Variants in INO80D observed in about 807,000 individuals in gnomAD.
INO80D encodes the protein INO80 complex subunit D.
INO80D carries 21 observed loss-of-function variants against 87.6 expected under a neutral mutation model. The ratio of observed to expected loss-of-function variants is 0.24; its 90% CI spans 0.17 to 0.35. The LOEUF is 0.35. Among genes scored for constraint, INO80D ranks in the 10% least tolerant of loss-of-function variants. The pLI is 1.00. For synonymous variants in INO80D, 440 were observed against 491.0 expected, an observed-to-expected ratio of 0.90 and a Z score of 1.37; for missense variants, 982 against 1,280.7, an observed-to-expected ratio of 0.77 and a Z score of 3.56.
rs1275741804 is a variant in INO80D at position 206,005,129 on chromosome 2, G to A, written c.2323C>T (p.Leu775Phe). 1.2e-6 allele frequency: 2 copies of A among 1,614,000 alleles called. No homozygotes were observed. The highest frequency in any genetic ancestry group is 1.3e-5 in the African/African-American group (1 of 75,042). Reference protein sequence around the residue: ...TSATLISQSALGERAFPGQFH... With the variant: ...TSATLISQSAFGERAFPGQFH... ...TGTCCTGGGAAGGCTCTCTCCCCAA[G>A]TGCACTCTGGCTGATCAGAGTGGCA... The change falls in exon 11 of 11, where the codon CTT becomes TTT. Residue 775 changes from leucine (L) to phenylalanine (F), a missense_variant. Leu to Phe is a conservative substitution (Grantham distance 22). Transcript: ENST00000403263.
intron 8 of INO80D, among the ~76,000 whole-genome samples, chr2:206,014,383 C>G (rs974441395): frequency 9.2e-5 from 14 of 152,102 alleles, no homozygotes; most frequent in Non-Finnish European, 8.8e-5. Context: ...TCTTGTAGCT[C>G]CCATAATTCC....
At position 205,994,563 on chromosome 2, in the gene INO80D, T is replaced by G. The variant is rs1229886294; in HGVS notation, c.*9805A>C. ...GCTTTTTGTTAAAGGCTACTTCTGATATCAGGTTCCAGCTAAGCTACTCAG... is the reference window on the plus strand; with the variant it reads ...GCTTTTTGTTAAAGGCTACTTCTGAGATCAGGTTCCAGCTAAGCTACTCAG... On this transcript the variant is annotated 3_prime_UTR_variant, in exon 11 of 11. Transcript: ENST00000403263. 6.6e-6 allele frequency: 1 copy of G among 152,198 alleles called. No homozygotes were observed. Among genetic ancestry groups the G allele is most frequent in the African/African-American group, 2.4e-5 (1 of 41,444 alleles). 9.4% of individuals were successfully genotyped at this position (152,198 alleles called of 1,614,324 possible).
intron 1 of INO80D, among the ~76,000 whole-genome samples, chr2:206,072,883 T>C (rs1490819143): frequency 6.6e-6 from 1 of 151,872 alleles, no homozygotes; most frequent in Non-Finnish European, 1.5e-5. Context: ...TGCTCTCTTG[T>C]CAAGGCTAGA....
Position 206,056,376 on chromosome 2 carries a change from C to T in INO80D, c.786G>A (p.Arg262=). Residue 262 remains arginine (R), a synonymous_variant, in exon 4 of 11, where the codon AGG becomes AGA. Transcript: ENST00000403263. ...IAQARQLSHK[R]PLPLLPSSRA... is the part of the protein sequence containing the mutation. Reference sequence around the variant, plus strand: ...TACTGGATGGCAGGAGGGGCAGAGGCCTCTTGTGAGACAACTGCCGTGCTT... The same window carrying T: ...TACTGGATGGCAGGAGGGGCAGAGGTCTCTTGTGAGACAACTGCCGTGCTT... The T allele has an allele frequency of 6.2e-7, 1 of 1,613,812 alleles. No individual in the cohort carries two copies. Among genetic ancestry groups the T allele is most frequent in the African/African-American group, 1.3e-5 (1 of 74,994 alleles).
Position 205,995,990 on chromosome 2 carries a change from A to C in INO80D, c.*8378T>G, listed in dbSNP as rs981762570. The C allele has an allele frequency of 1.1e-4, 16 of 152,142 alleles. No individual in the cohort carries two copies. Among genetic ancestry groups the C allele is most frequent in the African/African-American group, 2.4e-5 (1 of 41,466 alleles). The allele number at this position is 152,142 out of a possible 1,614,324, so 9.4% of individuals were successfully genotyped here. A position where few individuals can be genotyped will look rare whatever the true frequency, so the allele number is the denominator to read the frequency against. On this transcript the variant is annotated 3_prime_UTR_variant, in exon 11 of 11. Transcript: ENST00000403263. ...AATATGTAAATGACAAATTAATGACAGTAAGTGTGGAAATAAACCTAACAC... is the reference window on the plus strand; with the variant it reads ...AATATGTAAATGACAAATTAATGACCGTAAGTGTGGAAATAAACCTAACAC...
intron 1 of INO80D, among the ~76,000 whole-genome samples, chr2:206,082,390 G>C (rs1315131343): frequency 1.3e-5 from 2 of 152,234 alleles, no homozygotes; most frequent in Non-Finnish European, 2.9e-5. Context: ...CACCTTACGT[G>C]CAAGGAGGGA....
At position 206,062,669 on chromosome 2, in the gene INO80D, A is replaced by G; in HGVS notation, c.218+130T>C. 1.3e-6 allele frequency: 1 copy of G among 756,888 alleles called. No individual in the cohort carries two copies. Among genetic ancestry groups the G allele is most frequent in the Non-Finnish European group, 2.1e-6 (1 of 466,238 alleles). 46.9% of individuals were successfully genotyped at this position (756,888 alleles called of 1,614,324 possible). On this transcript the variant is annotated intron_variant, in intron 3 of 10. Coordinates refer to ENST00000403263, the MANE Select transcript of INO80D (RefSeq NM_017759.5). This position sits in a 1 kb window ranked among gnomAD's most constrained non-coding sequence, Gnocchi z 4.6. ...ACTTAGATTACCCCCAGAATTCAACATTTATATAGGTGGAGGAAGGGAGGG... is the reference window on the plus strand; with the variant it reads ...ACTTAGATTACCCCCAGAATTCAACGTTTATATAGGTGGAGGAAGGGAGGG...
At chr2:206,010,078 C>CAA in intron 8 of INO80D, among the ~76,000 whole-genome samples, 1 of 148,022 alleles carries the variant, frequency 6.8e-6, no homozygotes, top group Non-Finnish European at 1.5e-5. Flanking sequence ...CACACACACA[C>CAA]ACACACACGC....
At chr2:206,063,077 A>C in intron 2 of INO80D, 32 bp from the exon 3 acceptor site, 4 of 1,149,156 alleles carry the variant, frequency 3.5e-6, no homozygotes, top group Non-Finnish European at 5.1e-6. Context: ...AGAAACCCAA[A>C]TGATAAATCA....
intron 4 of INO80D, among the ~76,000 whole-genome samples, chr2:206,047,855 A>ATTTTTTT (rs1559451845): frequency 1.4e-5 from 1 of 70,962 alleles, no homozygotes; most frequent in Admixed American, 1.9e-4. Flanking sequence ...GATTTCTTTC[A>ATTTTTTT]ATTTTTTTTT....
intron 1 of INO80D, among the ~76,000 whole-genome samples, chr2:206,066,623 T>C (rs1055229870): frequency 6.6e-6 from 1 of 151,866 alleles, no homozygotes; most frequent in Non-Finnish European, 1.5e-5. Flanking sequence ...ACGGCCAACA[T>C]GGCAAAACCC....
At chr2:206,040,679 C>A in intron 5 of INO80D, 2 of 229,698 alleles carry the variant, frequency 8.7e-6, no homozygotes, top group South Asian at 9.9e-5. Context: ...CATCTTACGC[C>A]TACAGTGCAC....
intron 5 of INO80D, among the ~76,000 whole-genome samples, chr2:206,041,345 T>C (rs1350463313): frequency 1.3e-5 from 2 of 151,996 alleles, no homozygotes; most frequent in Non-Finnish European, 2.9e-5. Context: ...AAGATGCAAA[T>C]AGGTTAGAAG....
chr2:206,007,111 A>G (rs1688047360), intron 10 of INO80D, among the ~76,000 whole-genome samples, 173 bp downstream of exon 10: 1 of 152,232 alleles, frequency 6.6e-6, no homozygotes, highest in African/African-American at 2.4e-5. Flanking sequence ...CAAACTGCAC[A>G]TTCCTTATCT....
chr2:206,009,428 T>C (rs1268439032), intron 9 of INO80D, 149 bp downstream of exon 9: 1 of 644,318 alleles, frequency 1.6e-6, no homozygotes, highest in Non-Finnish European at 2.6e-6. Flanking sequence ...AGGTAAAATT[T>C]GCACCAAAAA....
chr2:206,023,333 T>C (rs1478872844), intron 6 of INO80D, among the ~76,000 whole-genome samples: 1 of 151,994 alleles, frequency 6.6e-6, no homozygotes, highest in Non-Finnish European at 1.5e-5. Flanking sequence ...AAATATCAAA[T>C]AGAGGGCAGC....
At chr2:206,045,266 T>C (rs1689165220) in intron 5 of INO80D, among the ~76,000 whole-genome samples, 1 of 152,212 alleles carries the variant, frequency 6.6e-6, no homozygotes, top group Non-Finnish European at 1.5e-5. Flanking sequence ...TAAGCTGGCA[T>C]TTTAGTGTAC....
At chr2:206,058,149 A>T (rs2616348) in intron 3 of INO80D, among the ~76,000 whole-genome samples, 2 of 151,394 alleles carry the variant, frequency 1.3e-5, no homozygotes, top group African/African-American at 4.8e-5. Flanking sequence ...GGCCGGGCAC[A>T]ATGGCTCATG....
At position 205,997,571 on chromosome 2, in the gene INO80D, G is replaced by T. The variant is rs1687830639; in HGVS notation, c.*6797C>A. 1 of 152,026 alleles carries T rather than the reference G, an allele frequency of 6.6e-6. No homozygotes were observed. The highest frequency in any genetic ancestry group is 2.1e-4 in the South Asian group (1 of 4,816). The allele number at this position is 152,026 out of a possible 1,614,324, so 9.4% of individuals were successfully genotyped here. A position where few individuals can be genotyped will look rare whatever the true frequency, so the allele number is the denominator to read the frequency against. ...CATAAAAAAGATTCAATAGATCTGT[G>T]GTCCCATCACCACAATAGATAAACA... On this transcript the variant is annotated 3_prime_UTR_variant, in exon 11 of 11. Coordinates refer to ENST00000403263, the MANE Select transcript of INO80D (RefSeq NM_017759.5).
Sources: allele counts gnomAD v4.1 joint callset (sites outside exome capture counted in the v4.1 genomes callset), GRCh38; gene constraint gnomAD v4.1.1; non-coding constraint Gnocchi (gnomAD v3.1); transcripts MANE v1.5; gene names NCBI Gene and HGNC (gene_info 2026-07-23, HGNC 2026-07-21).